C12orf60: variants seen among roughly 807,000 people sequenced by gnomAD.
C12orf60 encodes chromosome 12 open reading frame 60.
For missense variants in C12orf60, 284 were observed against 283.2 expected (o/e 1.00, Z -0.02); for synonymous variants, 102 against 94.6 (o/e 1.08, Z -0.45).
intron 1 of C12orf60, among the ~76,000 whole-genome samples, chr12:14,816,259 T>G (rs918771837): frequency 3.9e-5 from 6 of 152,124 alleles, no homozygotes; most frequent in Admixed American, 3.9e-4. Context: ...ATCTCCAAAC[T>G]TATCTGCATG....
chr12:14,806,091 T>G, intron 1 of C12orf60: 2 of 1,614,228 alleles, frequency 1.2e-6, no homozygotes, highest in Non-Finnish European at 1.7e-6. Context: ...CACCAGATGC[T>G]TCTCATAACT....
intron 1 of C12orf60, among the ~76,000 whole-genome samples, chr12:14,822,620 T>C (rs1217107190): frequency 6.6e-6 from 1 of 152,248 alleles, no homozygotes; most frequent in Non-Finnish European, 1.5e-5. Flanking sequence ...TTAAGGGTAG[T>C]ATCCTTGAGT....
In C12orf60 at chr12:14,823,577, T is replaced by C; in HGVS notation, c.642T>C (p.Ile214=). The stretch of plus-strand genomic sequence containing the variant: ...CAGCAGCAGATTTGTTGGAACAAAT[T>C]GTCAAGGCTATGGGACCAATCTTAG... ...TKSAADLLEQ[I]VKAMGPILEI... is the part of the protein sequence containing the mutation. Residue 214 remains isoleucine (I), a synonymous_variant, in exon 2 of 2, where the codon ATT becomes ATC. Transcript: ENST00000330828. The C allele has an allele frequency of 9.9e-6, 16 of 1,613,788 alleles. No individual in the cohort carries two copies. Among genetic ancestry groups the C allele is most frequent in the Non-Finnish European group, 1.4e-5 (16 of 1,179,910 alleles).
chr12:14,812,095 A>G (rs182529246), intron 1 of C12orf60, among the ~76,000 whole-genome samples: 74 of 152,362 alleles, frequency 4.9e-4, no homozygotes, highest in Admixed American at 1.4e-3. Context: ...AGTTATCATA[A>G]TAGTATAAAT....
intron 1 of C12orf60, among the ~76,000 whole-genome samples, chr12:14,819,798 A>G (rs372753590): frequency 6.6e-6 from 1 of 152,070 alleles, no homozygotes; most frequent in East Asian, 1.9e-4. Context: ...TTAATGTTGA[A>G]CTAACCTTAC....
chr12:14,822,529 C>T (rs1046376635), intron 1 of C12orf60, among the ~76,000 whole-genome samples: 1 of 152,106 alleles, frequency 6.6e-6, no homozygotes, highest in Non-Finnish European at 1.5e-5. Context: ...ATGGAGTGTG[C>T]TTAGTCTACC....
At chr12:14,813,372 A>G (rs2137270191) in intron 1 of C12orf60, among the ~76,000 whole-genome samples, 1 of 152,354 alleles carries the variant, frequency 6.6e-6, no homozygotes, top group Admixed American at 6.5e-5. Context: ...TTTCAGAAGA[A>G]AATAACAGCT....
At chr12:14,811,572 C>T (rs1950138141) in intron 1 of C12orf60, among the ~76,000 whole-genome samples, 1 of 152,140 alleles carries the variant, frequency 6.6e-6, no homozygotes, top group Admixed American at 6.5e-5. Context: ...GCTTACTGCA[C>T]CTAACCTTGT....
intron 1 of C12orf60, among the ~76,000 whole-genome samples, chr12:14,811,792 T>G (rs1409167353): frequency 5.9e-5 from 9 of 152,244 alleles, no homozygotes; most frequent in Admixed American, 4.6e-4. Context: ...CTTTCGTGAA[T>G]AACAGTAGTG....
chr12:14,814,832 G>T (rs1950192385), intron 1 of C12orf60, among the ~76,000 whole-genome samples: 1 of 152,170 alleles, frequency 6.6e-6, no homozygotes, highest in Admixed American at 6.5e-5. Flanking sequence ...CACCTGAGTG[G>T]CAGGGAAATC....
Position 14,824,112 on chromosome 12 carries a change from A to G in C12orf60, c.*439A>G, listed in dbSNP as rs373624158. On this transcript the variant is annotated 3_prime_UTR_variant, in exon 2 of 2. Coordinates refer to ENST00000330828, the MANE Select transcript of C12orf60 (RefSeq NM_175874.4). ...TTTTGTCACTCATATACCAATTTCT[A>G]TATACTTCAGTACCTTGACGATCAG... 3.9e-5 allele frequency: 6 copies of G among 153,714 alleles called. 1 individual carries two copies. Among genetic ancestry groups the G allele is most frequent in the African/African-American group, 1.4e-4 (6 of 41,596 alleles). 9.5% of individuals were successfully genotyped at this position (153,714 alleles called of 1,614,324 possible).
At position 14,803,756 on chromosome 12, in the gene C12orf60, G is replaced by A; in HGVS notation, c.-25+5G>A. 2.8e-6 allele frequency: 1 copy of A among 357,086 alleles called. No homozygotes were observed. Among genetic ancestry groups the A allele is most frequent in the Non-Finnish European group, 5.0e-6 (1 of 200,370 alleles). The allele number at this position is 357,086 out of a possible 1,614,324, so 22.1% of individuals were successfully genotyped here. A position where few individuals can be genotyped will look rare whatever the true frequency, so the allele number is the denominator to read the frequency against. On this transcript the variant is annotated splice_donor_5th_base_variant and intron_variant, in intron 1 of 1. Coordinates refer to ENST00000330828, the MANE Select transcript of C12orf60 (RefSeq NM_175874.4). ...GACTTAGTTGCTGGGAGCCTGGTAC[G>A]TTGAGCCGTCCGAGAACGGTACATT...
chr12:14,807,844 G>GA (rs891747731), intron 1 of C12orf60, among the ~76,000 whole-genome samples: 1 of 151,816 alleles, frequency 6.6e-6, no homozygotes, highest in African/African-American at 2.4e-5. Flanking sequence ...GTGAACGTCA[G>GA]AAAAAAAATG....
At chr12:14,809,963 A>G (rs964418490) in intron 1 of C12orf60, among the ~76,000 whole-genome samples, 2 of 152,202 alleles carry the variant, frequency 1.3e-5, no homozygotes, top group African/African-American at 4.8e-5. Context: ...TACTAAAGTA[A>G]TGTTTTTCCT....
At position 14,806,298 on chromosome 12, in the gene C12orf60, G is replaced by A. The variant is rs755623941; in HGVS notation, c.-25+2547G>A. 5 of 1,614,206 alleles carry A rather than the reference G, an allele frequency of 3.1e-6. No individual in the cohort carries two copies. In the South Asian group the frequency reaches 5.5e-5, roughly 18 times the overall value. The stretch of plus-strand genomic sequence containing the variant: ...CACAAGTTTAACAGCGACTGCACTG[G>A]CTGCAGATGTAGCTTCTCCCAGGAT... On this transcript the variant is annotated intron_variant, in intron 1 of 1. Coordinates refer to ENST00000330828, the MANE Select transcript of C12orf60 (RefSeq NM_175874.4).
At chr12:14,810,433 G>A (rs1024741129) in intron 1 of C12orf60, among the ~76,000 whole-genome samples, 2 of 152,210 alleles carry the variant, frequency 1.3e-5, no homozygotes, top group African/African-American at 4.8e-5. Context: ...TAATAGGTTA[G>A]TACTTACCAC....
chr12:14,805,220 A>G (rs902488737), intron 1 of C12orf60: 22 of 152,224 alleles, frequency 1.4e-4, no homozygotes, highest in African/African-American at 2.7e-4. Context: ...GTGACCTTCT[A>G]TTCTGCATCC....
rs374044809 is a variant in C12orf60 at position 14,823,078 on chromosome 12, T to C, written c.143T>C (p.Met48Thr). The C allele has an allele frequency of 3.1e-6, 5 of 1,614,070 alleles. No individual in the cohort carries two copies. The highest frequency in any genetic ancestry group is 4.2e-6 in the Non-Finnish European group (5 of 1,180,018). Residue 48 changes from methionine to threonine, a missense_variant, in exon 2 of 2, where the codon ATG becomes ACG. Met to Thr is a moderately conservative substitution (Grantham distance 81). Coordinates refer to ENST00000330828, the MANE Select transcript of C12orf60 (RefSeq NM_175874.4). ...SRSMNTQILL[M>T]AVKNNSYIKD... ...AGTATGAATACTCAAATCCTTTTGA[T>C]GGCTGTGAAAAACAATAGTTACATT...
chr12:14,813,827 C>A (rs1463449635), intron 1 of C12orf60, among the ~76,000 whole-genome samples: 1 of 152,126 alleles, frequency 6.6e-6, no homozygotes, highest in Non-Finnish European at 1.5e-5. Flanking sequence ...ACACAGGTAT[C>A]ATTTCATCCT....
Sources: allele counts gnomAD v4.1 joint callset (sites outside exome capture counted in the v4.1 genomes callset), GRCh38; gene constraint gnomAD v4.1.1; transcripts MANE v1.5; gene names NCBI Gene and HGNC (gene_info 2026-07-23, HGNC 2026-07-21).